Variants in PIEZO2 observed in about 807,000 individuals in gnomAD.
PIEZO2 encodes the protein piezo-type mechanosensitive ion channel component 2.
PIEZO2 carries 172 observed loss-of-function variants against 337.3 expected under a neutral mutation model. The ratio of observed to expected loss-of-function variants is 0.51; its 90% CI spans 0.45 to 0.58. The LOEUF is 0.58. Ranked by LOEUF, PIEZO2 falls within the 20% of genes least tolerant of loss-of-function variation. PIEZO2 has a pLI of 0.00. For missense variants in PIEZO2, 3,028 were observed against 3,391.3 expected, an observed-to-expected ratio of 0.89 and a Z score of 2.66; for synonymous variants, 1,251 against 1,228.5, an observed-to-expected ratio of 1.02 and a Z score of -0.38.
At position 11,124,109 on chromosome 18, in the gene PIEZO2, T is replaced by C. The variant is rs1234168605; in HGVS notation, c.64+24416A>G. 3.3e-5 allele frequency among the ~76,000 whole-genome samples: 5 copies of C among 152,350 alleles called. No individual in the cohort carries two copies. In the South Asian group the frequency reaches 6.2e-4, roughly 19 times the overall value. On this transcript the variant is annotated intron_variant, in intron 1 of 55. Transcript: ENST00000674853. ...ACTAACCAGAGTTTAGGTAAGTATATATAATATTGTGCCTGGCAGACAATA... is the reference window on the plus strand; with the variant it reads ...ACTAACCAGAGTTTAGGTAAGTATACATAATATTGTGCCTGGCAGACAATA...
Position 10,724,774 on chromosome 18 carries a change from G to A in PIEZO2, c.5030-6515C>T. ...CCTGGCCTTGCCCGTGGCTCTGGCAGTCCCCCCAGCACTGCAGCCCCAGCC... is the reference window on the plus strand; with the variant it reads ...CCTGGCCTTGCCCGTGGCTCTGGCAATCCCCCCAGCACTGCAGCCCCAGCC... On this transcript the variant is annotated intron_variant, in intron 36 of 55. Coordinates refer to ENST00000674853, the MANE Select transcript of PIEZO2 (RefSeq NM_001378183.1). The surrounding 1 kb of genome is among the most constrained non-coding windows in gnomAD (Gnocchi z 5.8). 2.5e-6 allele frequency: 4 copies of A among 1,570,710 alleles called. No individual in the cohort carries two copies. The highest frequency in any genetic ancestry group is 3.5e-6 in the Non-Finnish European group (4 of 1,156,836).
intron 2 of PIEZO2, among the ~76,000 whole-genome samples, chr18:11,015,154 T>G (rs899982927): frequency 6.9e-5 from 6 of 86,596 alleles, no homozygotes; most frequent in East Asian, 3.6e-4. Context: ...CAGCGATCCA[T>G]GACCCCCTCA....
chr18:10,732,880 A>G (rs563101499), intron 35 of PIEZO2, among the ~76,000 whole-genome samples: 8 of 152,336 alleles, frequency 5.3e-5, no homozygotes, highest in Non-Finnish European at 1.2e-4. Flanking sequence ...CTGATTACTG[A>G]ACATAAGAAA....
chr18:11,141,341 G>A (rs1023411445), intron 1 of PIEZO2, among the ~76,000 whole-genome samples: 1 of 152,152 alleles, frequency 6.6e-6, no homozygotes, highest in African/African-American at 2.4e-5. Context: ...AGGCTGGAAT[G>A]TAATTGCCCA....
intron 7 of PIEZO2, among the ~76,000 whole-genome samples, chr18:10,809,457 A>G (rs1598513743): frequency 6.6e-6 from 1 of 151,526 alleles, no homozygotes; most frequent in East Asian, 1.9e-4. Context: ...TGTAGTAGGG[A>G]CGGGATTTAA....
At chr18:10,832,734 C>T (rs2040882957) in intron 7 of PIEZO2, among the ~76,000 whole-genome samples, 1 of 152,174 alleles carries the variant, frequency 6.6e-6, no homozygotes. Flanking sequence ...CTCCACCCGC[C>T]CAGGATTATG....
At chr18:10,701,209 T>G (rs2035317374) in intron 43 of PIEZO2, among the ~76,000 whole-genome samples, 1 of 152,260 alleles carries the variant, frequency 6.6e-6, no homozygotes, top group Non-Finnish European at 1.5e-5. Flanking sequence ...AGTAAGGTTG[T>G]AACAAGAGGT....
rs1427880491 is a variant in PIEZO2 at position 10,953,526 on chromosome 18, T to A, written c.286+26009A>T. 6.6e-6 allele frequency among the ~76,000 whole-genome samples: 1 copy of A among 152,180 alleles called. No homozygotes were observed. The highest frequency in any genetic ancestry group is 2.4e-5 in the African/African-American group (1 of 41,442). ...TCACAAAATTGAATTTGTATCTCTATGGAAAATCAAGTGGCCGTGCACATA... is the reference window on the plus strand; with the variant it reads ...TCACAAAATTGAATTTGTATCTCTAAGGAAAATCAAGTGGCCGTGCACATA... On this transcript the variant is annotated intron_variant, in intron 3 of 55. Coordinates refer to ENST00000674853, the MANE Select transcript of PIEZO2 (RefSeq NM_001378183.1). This position sits in a 1 kb window ranked among gnomAD's most constrained non-coding sequence, Gnocchi z 5.2.
In PIEZO2 at chr18:10,773,991, C is replaced by T; in HGVS notation, c.2567+15G>A. ...ATGTAGAGCAAGCATTTCATGGCTT[C>T]ACAGGGGGACTTACTCATTTTGGTG... On this transcript the variant is annotated intron_variant, in intron 19 of 55. Transcript: ENST00000674853. This position sits in a 1 kb window ranked among gnomAD's most constrained non-coding sequence, Gnocchi z 5.3. 1.4e-6 allele frequency: 1 copy of T among 702,972 alleles called. No homozygotes were observed. The highest frequency in any genetic ancestry group is 2.6e-6 in the Non-Finnish European group (1 of 384,994). The allele number at this position is 702,972 out of a possible 1,614,324, so 43.5% of individuals were successfully genotyped here. A position where few individuals can be genotyped will look rare whatever the true frequency, so the allele number is the denominator to read the frequency against.
intron 7 of PIEZO2, among the ~76,000 whole-genome samples, chr18:10,839,311 G>T (rs1197732620): frequency 6.6e-6 from 1 of 152,140 alleles, no homozygotes; most frequent in Non-Finnish European, 1.5e-5. Flanking sequence ...TCCATTACAG[G>T]ACTCACTTAT....
At chr18:11,011,809 T>C (rs371294107) in intron 2 of PIEZO2, among the ~76,000 whole-genome samples, 41 of 152,336 alleles carry the variant, frequency 2.7e-4, no homozygotes, top group South Asian at 2.5e-3. Context: ...ACTCTTGATA[T>C]AGCTATGTTC....
chr18:10,677,357 A>AG lies in PIEZO2; in HGVS notation c.8081+389_8081+390insC. 6.6e-6 allele frequency among the ~76,000 whole-genome samples: 1 copy of AG among 152,166 alleles called. No homozygotes were observed. Among genetic ancestry groups the AG allele is most frequent in the African/African-American group, 2.4e-5 (1 of 41,444 alleles). ...CTCAGGCTCCCAAGTAGCTGGGAGTACAGATGTGCACCACCACGCTTAGCT... is the reference window on the plus strand; with the variant it reads ...CTCAGGCTCCCAAGTAGCTGGGAGTAGCAGATGTGCACCACCACGCTTAGCT... On this transcript the variant is annotated intron_variant, in intron 53 of 55. Transcript: ENST00000674853. The surrounding 1 kb of genome is among the most constrained non-coding windows in gnomAD (Gnocchi z 4.1).
At chr18:11,014,300 A>C (rs1279061698) in intron 2 of PIEZO2, among the ~76,000 whole-genome samples, 1 of 70,232 alleles carries the variant, frequency 1.4e-5, no homozygotes, top group Admixed American at 1.4e-4. Flanking sequence ...TAGGCACGTC[A>C]CCCTGGGTGG....
chr18:11,050,170 C>G (rs532105583), intron 2 of PIEZO2, among the ~76,000 whole-genome samples: 14 of 152,082 alleles, frequency 9.2e-5, no homozygotes, highest in African/African-American at 3.4e-4. Flanking sequence ...AAGAAACAGG[C>G]GTCTAATTTT....
In PIEZO2 at chr18:10,784,973, A is replaced by C. The variant is rs1324163296; in HGVS notation, c.2319-16T>G. 9 of 1,525,552 alleles carry C rather than the reference A, an allele frequency of 5.9e-6. No individual in the cohort carries two copies. Among genetic ancestry groups the C allele is most frequent in the Non-Finnish European group, 7.9e-6 (9 of 1,142,142 alleles). The allele number at this position is 1,525,552 out of a possible 1,614,324, so 94.5% of individuals were successfully genotyped here. On this transcript the variant is annotated splice_polypyrimidine_tract_variant and intron_variant, in intron 16 of 55. Transcript: ENST00000674853. This position sits in a 1 kb window ranked among gnomAD's most constrained non-coding sequence, Gnocchi z 4.5. ...ATCCTCAAGCCTGCAAAACAAAACA[A>C]AATAAAAAGCAGGAACCTCTCTTAC... is the stretch of plus-strand genomic sequence containing the variant.
At position 10,943,384 on chromosome 18, in the gene PIEZO2, A is replaced by G. The variant is rs1598728297; in HGVS notation, c.287-32156T>C. Among the ~76,000 whole-genome samples the G allele has an allele frequency of 2.0e-5, 3 of 152,156 alleles. No homozygotes were observed. The highest frequency in any genetic ancestry group is 2.0e-4 in the Admixed American group (3 of 15,270). On this transcript the variant is annotated intron_variant, in intron 3 of 55. Coordinates refer to ENST00000674853, the MANE Select transcript of PIEZO2 (RefSeq NM_001378183.1). This position sits in a 1 kb window ranked among gnomAD's most constrained non-coding sequence, Gnocchi z 4.5. ...GAGTTACCCAAGGCCGTGGGAGACC[A>G]CCTCTTGCATCAGTGTGACCTGGAT...
At chr18:11,118,533 C>A (rs759001140) in intron 1 of PIEZO2, among the ~76,000 whole-genome samples, 28 of 152,080 alleles carry the variant, frequency 1.8e-4, no homozygotes, top group Non-Finnish European at 3.4e-4. Context: ...AAATGCCAAC[C>A]AATGCTGGAA....
chr18:10,678,300 G>T (rs1040029760), intron 52 of PIEZO2, among the ~76,000 whole-genome samples: 1 of 152,100 alleles, frequency 6.6e-6, no homozygotes, highest in Non-Finnish European at 1.5e-5. Context: ...TGTTGTTGTT[G>T]TTTTTAGTAG....
chr18:11,007,774 GCAAAACTATCC>G (rs1254902956), intron 2 of PIEZO2, among the ~76,000 whole-genome samples: 21 of 152,236 alleles, frequency 1.4e-4, no homozygotes, highest in African/African-American at 4.8e-4. Flanking sequence ...TCTGTATCTA[GCAAAACTATCC>G]TTTGAAAATG....
Sources: allele counts gnomAD v4.1 joint callset (sites outside exome capture counted in the v4.1 genomes callset), GRCh38; gene constraint gnomAD v4.1.1; non-coding constraint Gnocchi (gnomAD v3.1); transcripts MANE v1.5; gene names NCBI Gene and HGNC (gene_info 2026-07-23, HGNC 2026-07-21).